The following ABLIM1 variants were observed in gnomAD, a reference collection of about 807,000 sequenced individuals.
ABLIM1 encodes the protein actin-binding LIM protein 1.
A neutral mutation model predicts 107.0 loss-of-function variants in ABLIM1; 40 were observed. The ratio of observed to expected loss-of-function variants is 0.37; its 90% CI spans 0.29 to 0.49. The LOEUF (loss-of-function observed/expected upper bound fraction) is 0.49. ABLIM1 is among the 20% of genes least tolerant of loss of function. The pLI, the probability that ABLIM1 is intolerant of heterozygous loss-of-function variation, is 0.97. For missense variants in ABLIM1, 857 were observed against 1,008.5 expected, an observed-to-expected ratio of 0.85 and a Z score of 2.04; for synonymous variants, 357 against 357.3, an observed-to-expected ratio of 1.00 and a Z score of 0.01.
chr10:114,770,827 T>G (rs2083015262), upstream of ABLIM1, among the ~76,000 whole-genome samples: 1 of 152,116 alleles, frequency 6.6e-6, no homozygotes, highest in Non-Finnish European at 1.5e-5. Flanking sequence ...TGTGCCTTCT[T>G]TTTAATATTT....
At chr10:114,767,098 G>A (rs2082912906) in intron 1 of ABLIM1, among the ~76,000 whole-genome samples, 1 of 147,770 alleles carries the variant, frequency 6.8e-6, no homozygotes, top group Non-Finnish European at 1.5e-5. Flanking sequence ...ATATGCCCCA[G>A]GATGAACTCT....
At chr10:114,775,935 A>G in the ABLIM1 span, 1 of 152,230 alleles carries the variant, frequency 6.6e-6, no homozygotes, top group Non-Finnish European at 1.5e-5. Context: ...TTTTGATTTG[A>G]TTGCAGATTA....
the ABLIM1 span, among the ~76,000 whole-genome samples, chr10:114,782,891 G>T: frequency 1.3e-5 from 2 of 152,124 alleles, no homozygotes; most frequent in African/African-American, 4.8e-5. Context: ...GAATAGGGAA[G>T]AACCATGGAT....
intron 6 of ABLIM1, among the ~76,000 whole-genome samples, chr10:114,542,714 A>C (rs1327666187): frequency 6.6e-6 from 1 of 152,214 alleles, no homozygotes; most frequent in Non-Finnish European, 1.5e-5. Flanking sequence ...AGGAATCCCA[A>C]GGGAAATGGC....
In ABLIM1 at chr10:114,695,238, T is replaced by C. The variant is rs530828513; in HGVS notation, c.-213+72823A>G. On this transcript the variant is annotated intron_variant, in intron 1 of 15. Coordinates refer to the ABLIM1 transcript ENST00000651092. ...TACTTAAGTATCTAAAGCAACTAAC[T>C]CACCTTTTGTTAGTAATTTCAATAA... Among the ~76,000 whole-genome samples the C allele has an allele frequency of 2.4e-4, 36 of 152,206 alleles. 2 individuals carry two copies.
intron 3 of ABLIM1, among the ~76,000 whole-genome samples, chr10:114,572,408 G>T (rs928338244): frequency 6.6e-6 from 1 of 152,184 alleles, no homozygotes; most frequent in African/African-American, 2.4e-5. Context: ...GCAATTAACT[G>T]TAATAAACAA....
intron 21 of ABLIM1, 36 bp downstream of exon 21, chr10:114,439,140 T>G: frequency 3.1e-6 from 5 of 1,610,908 alleles, no homozygotes; most frequent in Non-Finnish European, 4.2e-6. Flanking sequence ...GGTTACGCCA[T>G]TCCCATATGA....
chr10:114,670,192 C>T (rs2080190966), intron 1 of ABLIM1, among the ~76,000 whole-genome samples: 1 of 152,130 alleles, frequency 6.6e-6, no homozygotes, highest in South Asian at 2.1e-4. Context: ...CCCATTCCTG[C>T]TTTCATTCAT....
intron 1 of ABLIM1, among the ~76,000 whole-genome samples, chr10:114,764,463 T>C (rs1395581427): frequency 6.6e-6 from 1 of 152,188 alleles, no homozygotes; most frequent in Non-Finnish European, 1.5e-5. Context: ...TGCCTCAGCC[T>C]CCCGAGTAGC....
chr10:114,563,220 G>A (rs530156131), intron 4 of ABLIM1, among the ~76,000 whole-genome samples: 4 of 152,278 alleles, frequency 2.6e-5, no homozygotes, highest in East Asian at 1.9e-4. Context: ...ATGGGATTTC[G>A]GGTGATCTTT....
intron 1 of ABLIM1, among the ~76,000 whole-genome samples, chr10:114,754,758 G>A (rs921417879): frequency 1.3e-5 from 2 of 152,158 alleles, no homozygotes; most frequent in Non-Finnish European, 2.9e-5. Context: ...TATCACTGTA[G>A]GCAGCTTTGC....
chr10:114,468,864 A>G (rs1387252493), intron 10 of ABLIM1, among the ~76,000 whole-genome samples: 3 of 151,848 alleles, frequency 2.0e-5, no homozygotes, highest in Admixed American at 1.3e-4. Flanking sequence ...ATCCTGGCTA[A>G]CATGGTGAAA....
intron 1 of ABLIM1, among the ~76,000 whole-genome samples, chr10:114,641,155 A>G (rs945417915): frequency 6.6e-6 from 1 of 150,816 alleles, no homozygotes; most frequent in Admixed American, 6.7e-5. Flanking sequence ...GGGGGATTTA[A>G]CCTGTAACAT....
rs1399729278 is a variant in ABLIM1 at position 114,718,014 on chromosome 10, G to A, written c.-213+50047C>T. Among the ~76,000 whole-genome samples, 456 of 126,638 alleles carry A rather than the reference G, an allele frequency of 3.6e-3. 1 individual carries two copies. The highest frequency in any genetic ancestry group is 0.013 in the African/African-American group (424 of 32,116). The allele number at this position is 126,638 out of a possible 152,430, so 83.1% of individuals were successfully genotyped here. A position where few individuals can be genotyped will look rare whatever the true frequency, so the allele number is the denominator to read the frequency against. ...AGAAAGGAAGGAAGGAAGGAAGGAAGGAAGGAAGGAAGGAAGGAGAAAGAG... is the reference window on the plus strand; with the variant it reads ...AGAAAGGAAGGAAGGAAGGAAGGAAAGAAGGAAGGAAGGAAGGAGAAAGAG... On this transcript the variant is annotated intron_variant, in intron 1 of 15. Coordinates refer to the ABLIM1 transcript ENST00000651092.
upstream of ABLIM1, among the ~76,000 whole-genome samples, chr10:114,769,747 T>C (rs1294149151): frequency 2.0e-5 from 3 of 152,162 alleles, no homozygotes; most frequent in Non-Finnish European, 4.4e-5. Context: ...TTGAGCATTG[T>C]TGAAAAAAAC....
At chr10:114,646,515 C>T (rs1363613408) in intron 1 of ABLIM1, among the ~76,000 whole-genome samples, 2 of 152,218 alleles carry the variant, frequency 1.3e-5, no homozygotes, top group Non-Finnish European at 2.9e-5. Context: ...AACAACCTTA[C>T]ATCTAAGTAG....
intron 1 of ABLIM1, among the ~76,000 whole-genome samples, chr10:114,664,207 A>G (rs2079912696): frequency 6.6e-6 from 1 of 152,216 alleles, no homozygotes. Flanking sequence ...AAGGAATAGA[A>G]CAGGAGACTG....
intron 1 of ABLIM1, among the ~76,000 whole-genome samples, chr10:114,624,608 A>C (rs1292627539): frequency 6.6e-6 from 1 of 152,174 alleles, no homozygotes; most frequent in African/African-American, 2.4e-5. Flanking sequence ...TCTTGACTTC[A>C]TTCCTGTCAT....
upstream of ABLIM1, among the ~76,000 whole-genome samples, chr10:114,661,942 C>T (rs1453966716): frequency 1.3e-5 from 2 of 152,188 alleles, no homozygotes; most frequent in Non-Finnish European, 2.9e-5. Flanking sequence ...CTACACAGTG[C>T]TCGGCGAACA....
Sources: gnomAD v4.1 joint callset for allele counts (sites outside exome capture counted in the v4.1 genomes callset) on GRCh38, gnomAD v4.1.1 for gene constraint, MANE v1.5 for transcripts, NCBI Gene and HGNC (gene_info 2026-07-23, HGNC 2026-07-21) for gene names.